CAST: variants seen among roughly 807,000 people sequenced by gnomAD.
The protein encoded by CAST is MIR583 host.
Under a neutral mutation model 119.6 loss-of-function variants are expected in CAST, and 76 were observed. That is an observed-to-expected ratio of 0.64 (90% CI 0.53 to 0.77). The LOEUF (loss-of-function observed/expected upper bound fraction) is 0.77. Ranked by LOEUF, CAST falls within the 30% of genes least tolerant of loss-of-function variation. CAST has a pLI of 0.00. For missense variants in CAST, 953 were observed against 946.5 expected (o/e 1.01, Z -0.09); for synonymous variants, 319 against 331.6 (o/e 0.96, Z 0.41).
At chr5:96,294,895 T>C in the CAST span, among the ~76,000 whole-genome samples, 26 of 152,324 alleles carry the variant, frequency 1.7e-4, no homozygotes, top group Middle Eastern at 0.01. Flanking sequence ...TTTTCCAAAA[T>C]AGAGGGAGAG....
At chr5:96,682,149 C>A (rs924740845) in intron 2 of CAST, among the ~76,000 whole-genome samples, 1 of 152,184 alleles carries the variant, frequency 6.6e-6, no homozygotes, top group Non-Finnish European at 1.5e-5. Context: ...CAGTTTCAGG[C>A]ACCCACTGGG....
chr5:96,757,682 C>CTTCA, intron 24 of CAST, 28 bp downstream of exon 24: 2 of 1,258,920 alleles, frequency 1.6e-6, no homozygotes, highest in African/African-American at 1.5e-5. Flanking sequence ...GGTTTTATTT[C>CTTCA]TTTAGTTTTT....
chr5:96,142,178 C>T, the CAST span, among the ~76,000 whole-genome samples: 2 of 151,966 alleles, frequency 1.3e-5, no homozygotes, highest in South Asian at 2.1e-4. Flanking sequence ...TCTGGGAGGT[C>T]GAGGCAGGCA....
the CAST span, among the ~76,000 whole-genome samples, chr5:96,150,806 G>C: frequency 7.9e-5 from 12 of 152,258 alleles, no homozygotes; most frequent in South Asian, 2.1e-3. Context: ...AAGCAGCTGT[G>C]GGGGGCAGGG....
chr5:96,405,965 G>A, the CAST span, among the ~76,000 whole-genome samples: 1 of 152,166 alleles, frequency 6.6e-6, no homozygotes, highest in African/African-American at 2.4e-5. Flanking sequence ...GCTCCCTGGG[G>A]TAGTAGTCTG....
At chr5:96,589,264 A>C (rs1425764996) in intron 1 of CAST, among the ~76,000 whole-genome samples, 1 of 152,226 alleles carries the variant, frequency 6.6e-6, no homozygotes, top group African/African-American at 2.4e-5. Flanking sequence ...CTTTTCAAGG[A>C]CATTCAAGAA....
the CAST span, among the ~76,000 whole-genome samples, chr5:96,131,405 T>A: frequency 6.6e-6 from 1 of 150,896 alleles, no homozygotes; most frequent in African/African-American, 2.5e-5. Flanking sequence ...GTAAATTTAA[T>A]ATCTTGTTAT....
chr5:96,212,325 A>G, the CAST span, among the ~76,000 whole-genome samples: 2 of 152,270 alleles, frequency 1.3e-5, no homozygotes, highest in South Asian at 4.1e-4. Flanking sequence ...TATATGCTGT[A>G]CTTTCATTTT....
intron 1 of CAST, among the ~76,000 whole-genome samples, chr5:96,594,437 T>C (rs762120615): frequency 1.3e-5 from 2 of 152,234 alleles, no homozygotes; most frequent in Non-Finnish European, 2.9e-5. Flanking sequence ...AAAAACAAAA[T>C]ACTAAGATTA....
the CAST span, among the ~76,000 whole-genome samples, chr5:96,120,848 C>G: frequency 6.6e-6 from 1 of 151,572 alleles, no homozygotes; most frequent in Non-Finnish European, 1.5e-5. Flanking sequence ...TAATCCTGCC[C>G]TAAGCCATTT....
At chr5:96,306,332 T>C in the CAST span, among the ~76,000 whole-genome samples, 1 of 152,314 alleles carries the variant, frequency 6.6e-6, no homozygotes, top group African/African-American at 2.4e-5. Flanking sequence ...TTGATTTTTC[T>C]CTCTTTTCTT....
chr5:96,263,640 A>C, the CAST span, among the ~76,000 whole-genome samples: 2 of 152,114 alleles, frequency 1.3e-5, no homozygotes, highest in Non-Finnish European at 1.5e-5. Context: ...TGGTTGACCA[A>C]GTAAAAATAA....
chr5:96,419,870 A>G, the CAST span, among the ~76,000 whole-genome samples: 1 of 152,086 alleles, frequency 6.6e-6, no homozygotes, highest in Non-Finnish European at 1.5e-5. Flanking sequence ...TGAGTGTTCC[A>G]TCTCCTGACT....
At chr5:96,318,518 A>G in the CAST span, 4 of 152,186 alleles carry the variant, frequency 2.6e-5, no homozygotes, top group African/African-American at 9.6e-5. Context: ...TCAGCACTCC[A>G]TGAAGGCTTT....
At chr5:96,674,235 A>C (rs1750438906) in intron 1 of CAST, among the ~76,000 whole-genome samples, 1 of 151,826 alleles carries the variant, frequency 6.6e-6, no homozygotes, top group South Asian at 2.1e-4. Flanking sequence ...TAGTTTTCTC[A>C]TTTATAAAAC....
intron 24 of CAST, among the ~76,000 whole-genome samples, chr5:96,758,486 CTG>C (rs1235582868): frequency 1.3e-5 from 2 of 152,138 alleles, no homozygotes; most frequent in East Asian, 3.9e-4. Flanking sequence ...TCTGGTTTAT[CTG>C]TTTACTGGGA....
At chr5:96,272,708 A>G in the CAST span, among the ~76,000 whole-genome samples, 3 of 152,200 alleles carry the variant, frequency 2.0e-5, no homozygotes, top group African/African-American at 7.2e-5. Context: ...ACTATAGTTT[A>G]TAATATTCTA....
the CAST span, among the ~76,000 whole-genome samples, chr5:96,169,890 T>G: frequency 1.3e-5 from 2 of 152,172 alleles, no homozygotes; most frequent in South Asian, 4.1e-4. Flanking sequence ...GTGGGGATAA[T>G]TAAAAGGAGT....
At chr5:96,490,688 T>A in the CAST span, among the ~76,000 whole-genome samples, 2 of 152,006 alleles carry the variant, frequency 1.3e-5, no homozygotes, top group Non-Finnish European at 2.9e-5. Flanking sequence ...ATTAATTGCA[T>A]ACCTATATAG....
Sources: gnomAD v4.1 joint callset for allele counts (sites outside exome capture counted in the v4.1 genomes callset) on GRCh38, gnomAD v4.1.1 for gene constraint, MANE v1.5 for transcripts, NCBI Gene and HGNC (gene_info 2026-07-23, HGNC 2026-07-21) for gene names.